The following ZNF584 variants were observed in gnomAD, a reference collection of about 807,000 sequenced individuals.
ZNF584 encodes the protein zinc finger protein 584.
ZNF584 carries 12 observed loss-of-function variants against 14.7 expected under a neutral mutation model. The ratio of observed to expected loss-of-function variants is 0.82; its 90% CI spans 0.52 to 1.32. The LOEUF is 1.32. Ranked by LOEUF, ZNF584 falls within the 40% of genes most tolerant of loss-of-function variation. The pLI is 0.00. For synonymous variants in ZNF584, 204 were observed against 190.9 expected (o/e 1.07, Z -0.57); for missense variants, 478 against 518.8 (o/e 0.92, Z 0.76).
At chr19:58,404,550 G>A (rs573731823), upstream of ZNF584, 153 of 180,818 alleles carry the variant, frequency 8.5e-4, no homozygotes, top group Non-Finnish European at 1.6e-3. Context: ...AGGGTTGGGG[G>A]TAAGGTCACA....
chr19:58,414,794 T>C (rs987137607), intron 2 of ZNF584, among the ~76,000 whole-genome samples: 7 of 152,228 alleles, frequency 4.6e-5, no homozygotes, highest in Non-Finnish European at 8.8e-5. Context: ...GCTGTTGTTA[T>C]TGATGGTGGG....
At chr19:58,416,772 C>T (rs1489410327) in intron 3 of ZNF584, 39 bp from the exon 4 acceptor site, 3 of 1,520,068 alleles carry the variant, frequency 2.0e-6, no homozygotes, top group Non-Finnish European at 2.6e-6. Context: ...CCTCCTCCCT[C>T]TAGTTCAACT....
Position 58,417,648 on chromosome 19 carries a change from C to T in ZNF584, c.1130C>T (p.Thr377Ile). Residue 377 changes from threonine to isoleucine, a missense_variant, in exon 4 of 4, where the codon ACT becomes ATT. Thr to Ile is a moderately conservative substitution (Grantham distance 89). Coordinates refer to ENST00000306910, the MANE Select transcript of ZNF584 (RefSeq NM_173548.3). ...CGCAATCGGCACCAGCAGTTCCACACTGAAGAGAGGTCTTATGAATGTACA... is the reference window on the plus strand; with the variant it reads ...CGCAATCGGCACCAGCAGTTCCACATTGAAGAGAGGTCTTATGAATGTACA... ...SYRNRHQQFH[T>I]EERSYECTEC... is the part of the protein sequence containing the mutation. 1 of 1,614,068 alleles carries T rather than the reference C, an allele frequency of 6.2e-7. No individual in the cohort carries two copies. The highest frequency in any genetic ancestry group is 8.5e-7 in the Non-Finnish European group (1 of 1,179,938).
At chr19:58,403,998 A>T (rs999514420), upstream of ZNF584, among the ~76,000 whole-genome samples, 4 of 151,552 alleles carry the variant, frequency 2.6e-5, no homozygotes, top group East Asian at 7.7e-4. Flanking sequence ...AATGAGGTCC[A>T]ATGAAGTAGT....
At position 58,410,001 on chromosome 19, in the gene ZNF584, T is replaced by C; in HGVS notation, c.79T>C (p.Ser27Pro). The C allele has an allele frequency of 6.2e-7, 1 of 1,614,076 alleles. No homozygotes were observed. The highest frequency in any genetic ancestry group is 8.5e-7 in the Non-Finnish European group (1 of 1,180,008). Reference sequence around the variant, plus strand: ...GTTTGAGGATGTGACGGTATATTTCTCCAGGGAGGAGTGGGGGCTCCTTAA... The same window carrying C: ...GTTTGAGGATGTGACGGTATATTTCCCCAGGGAGGAGTGGGGGCTCCTTAA... Reference protein sequence around the residue: ...VMFEDVTVYFSREEWGLLNVT... With the variant: ...VMFEDVTVYFPREEWGLLNVT... Residue 27 changes from serine to proline, a missense_variant, in exon 2 of 4, where the codon TCC becomes CCC. Ser to Pro is a moderately conservative substitution (Grantham distance 74, BLOSUM62 -1). Coordinates refer to ENST00000306910, the MANE Select transcript of ZNF584 (RefSeq NM_173548.3).
chr19:58,416,129 A>G lies in ZNF584; in HGVS notation c.292+483A>G, dbSNP rs550406912. On this transcript the variant is annotated intron_variant, in intron 3 of 3. Transcript: ENST00000306910. ...ACCTCTCTTCCCTGCACCATATCCT[A>G]TCTTGTGCCCTCATCTCAGTTGAGG... 6.5e-4 allele frequency: 387 copies of G among 598,268 alleles called. 6 individuals carry two copies. Among genetic ancestry groups the G allele is most frequent in the South Asian group, 5.7e-3 (255 of 44,874 alleles). 37.1% of individuals were successfully genotyped at this position (598,268 alleles called of 1,614,324 possible).
intron 1 of ZNF584, 110 bp from the exon 2 acceptor site, chr19:58,409,831 G>A: frequency 2.3e-6 from 3 of 1,331,460 alleles, no homozygotes; most frequent in Non-Finnish European, 3.2e-6. Context: ...CATAGGGAAA[G>A]ATAATGTCAG....
At chr19:58,404,746 G>A, upstream of ZNF584, 1 of 215,086 alleles carries the variant, frequency 4.6e-6, no homozygotes. Context: ...ACGAGCTGTT[G>A]GGTACACCTC....
At chr19:58,411,310 T>G (rs1263762322) in intron 2 of ZNF584, among the ~76,000 whole-genome samples, 7 of 151,446 alleles carry the variant, frequency 4.6e-5, no homozygotes, top group Non-Finnish European at 1.0e-4. Context: ...GTGGATTACC[T>G]GAGGTCAGGA....
At chr19:58,404,872 C>T (rs541142172), upstream of ZNF584, 2 of 155,276 alleles carry the variant, frequency 1.3e-5, no homozygotes, top group South Asian at 1.6e-4. Flanking sequence ...GCTGACCCCC[C>T]CCCCCACCTC....
In ZNF584 at chr19:58,416,982, C is replaced by T; in HGVS notation, c.464C>T (p.Ala155Val). Residue 155 changes from alanine to valine, a missense_variant, in exon 4 of 4, where the codon GCA becomes GTA. Around this residue, in one of 3 missense-constraint regions of ZNF584, gnomAD observed 6 missense variants for 23.5 expected, o/e 0.26. Transcript: ENST00000306910. ...GGGCAACAGCAAGAAGTCCATGTGG[C>T]AGAGAAGCTGTTCAAATGCAGTGAC... is the stretch of plus-strand genomic sequence containing the variant. ...SCGQQQEVHV[A>V]EKLFKCSDCG... 6.2e-7 allele frequency: 1 copy of T among 1,611,506 alleles called. No individual in the cohort carries two copies. The highest frequency in any genetic ancestry group is 8.5e-7 in the Non-Finnish European group (1 of 1,178,608).
At chr19:58,415,849 G>A (rs776417052) in intron 3 of ZNF584, 31 of 1,600,062 alleles carry the variant, frequency 1.9e-5, no homozygotes, top group African/African-American at 1.5e-4. Context: ...TCTGGCCTGC[G>A]TCTCCTCATT....
At chr19:58,403,752 C>T (rs1412560859), upstream of ZNF584, among the ~76,000 whole-genome samples, 3 of 151,990 alleles carry the variant, frequency 2.0e-5, no homozygotes, top group Non-Finnish European at 4.4e-5. Flanking sequence ...GGGCGGATCA[C>T]GAGGTCAGGA....
intron 2 of ZNF584, among the ~76,000 whole-genome samples, chr19:58,412,394 A>G (rs1331462202): frequency 2.6e-5 from 4 of 151,404 alleles, no homozygotes; most frequent in Admixed American, 2.6e-4. Context: ...TATTTTTAGT[A>G]GAGACGGGGT....
intron 1 of ZNF584, among the ~76,000 whole-genome samples, chr19:58,403,472 C>T (rs1242095162): frequency 7.8e-6 from 1 of 128,452 alleles, no homozygotes; most frequent in African/African-American, 2.9e-5. Context: ...AAAGGTAAAG[C>T]TATAGAGACA....
chr19:58,410,557 A>ATATGTGTG (rs1340373210), intron 2 of ZNF584, among the ~76,000 whole-genome samples: 2 of 26,004 alleles, frequency 7.7e-5, no homozygotes, highest in East Asian at 7.2e-4. Context: ...ATATATATAT[A>ATATGTGTG]TGTGTATATA....
chr19:58,416,020 C>A, intron 3 of ZNF584: 5 of 1,510,428 alleles, frequency 3.3e-6, no homozygotes, highest in Non-Finnish European at 4.5e-6. Context: ...TGGGACTAGA[C>A]ACATGCCTCC....
intron 3 of ZNF584, chr19:58,415,898 C>G (rs568284632): frequency 6.3e-7 from 1 of 1,599,054 alleles, no homozygotes; most frequent in African/African-American, 1.3e-5. Context: ...CTACTGTTGG[C>G]GACTCAGTGC....
Position 58,401,906 on chromosome 19 carries a change from A to AT in ZNF584, n.92+259dup, listed in dbSNP as rs1356143199. Among the ~76,000 whole-genome samples, 672 of 118,508 alleles carry AT rather than the reference A, an allele frequency of 5.7e-3. 10 individuals carry two copies. Among genetic ancestry groups the AT allele is most frequent in the Non-Finnish European group, 9.1e-3 (550 of 60,158 alleles). 77.7% of individuals were successfully genotyped at this position (118,508 alleles called of 152,430 possible). On this transcript the variant is annotated intron_variant and non_coding_transcript_variant, in intron 1 of 3. Transcript: ENST00000594993. ...TCCTCAAAAAAAAAAAAAAAAAAAG[A>AT]TTTTTTTTTTTTTTTAGCCGGACGT...
Sources: gnomAD v4.1 joint callset for allele counts (sites outside exome capture counted in the v4.1 genomes callset) on GRCh38, gnomAD v4.1.1 for gene constraint, gnomAD v4.1.1 regional missense constraint, MANE v1.5 for transcripts, NCBI Gene and HGNC (gene_info 2026-07-23, HGNC 2026-07-21) for gene names.